The following ELP3 variants were observed in gnomAD, a reference collection of about 807,000 sequenced individuals.
ELP3 encodes elongator complex protein 3.
ELP3 carries 56 observed loss-of-function variants against 74.9 expected under a neutral mutation model. The ratio of observed to expected loss-of-function variants is 0.75; its 90% CI spans 0.60 to 0.93. The LOEUF is 0.93. ELP3 is among the 40% of genes least tolerant of loss of function. ELP3 has a pLI of 0.00. For missense variants in ELP3, 573 were observed against 686.5 expected, an observed-to-expected ratio of 0.83 and a Z score of 1.85; for synonymous variants, 222 against 239.8, an observed-to-expected ratio of 0.93 and a Z score of 0.68.
chr8:28,168,130 C>T (rs193274548), intron 14 of ELP3, among the ~76,000 whole-genome samples: 377 of 152,280 alleles, frequency 2.5e-3, no homozygotes, highest in African/African-American at 6.7e-3. Context: ...TGTAGTACAC[C>T]GCACATCAAG....
intron 12 of ELP3, among the ~76,000 whole-genome samples, chr8:28,160,009 G>A (rs1814004834): frequency 1.3e-5 from 2 of 152,144 alleles, no homozygotes; most frequent in African/African-American, 4.8e-5. Context: ...AAGTATTTGT[G>A]AAATTATACA....
intron 11 of ELP3, 44 bp downstream of exon 11, chr8:28,156,076 G>A: frequency 6.5e-7 from 1 of 1,528,494 alleles, no homozygotes; most frequent in Non-Finnish European, 9.0e-7. Flanking sequence ...TTGAGAAAAA[G>A]AGAAATCTGA....
At chr8:28,151,304 A>T (rs74908548) in intron 10 of ELP3, among the ~76,000 whole-genome samples, 1 of 151,818 alleles carries the variant, frequency 6.6e-6, no homozygotes, top group Non-Finnish European at 1.5e-5. Context: ...GTTTCTTCAG[A>T]TTTCCATCTT....
At chr8:28,185,330 C>T (rs1336655964) in intron 14 of ELP3, among the ~76,000 whole-genome samples, 2 of 152,154 alleles carry the variant, frequency 1.3e-5, no homozygotes, top group Non-Finnish European at 2.9e-5. Flanking sequence ...CAACACCCAA[C>T]ATAGAGCCAA....
intron 7 of ELP3, chr8:28,118,789 T>C (rs377317315): frequency 6.6e-6 from 1 of 152,244 alleles, no homozygotes; most frequent in East Asian, 1.9e-4. Flanking sequence ...AAGATGCAAT[T>C]TAAAGGGTAG....
Position 28,180,047 on chromosome 8 carries a change from A to G in ELP3, c.1568-9602A>G, listed in dbSNP as rs555341002. Among the ~76,000 whole-genome samples, 102 of 152,140 alleles carry G rather than the reference A, an allele frequency of 6.7e-4. 5 individuals carry two copies. The South Asian group carries it at 0.02, about 29-fold the overall frequency. Reference sequence around the variant, plus strand: ...CTACTTCTGTGGTTTTTTAGAAAATATATTATTTTTATTCTTTCAGACTGT... The same window carrying G: ...CTACTTCTGTGGTTTTTTAGAAAATGTATTATTTTTATTCTTTCAGACTGT... On this transcript the variant is annotated intron_variant, in intron 14 of 14. Transcript: ENST00000256398.
intron 10 of ELP3, 66 bp from the exon 11 acceptor site, chr8:28,155,876 C>A: frequency 7.7e-7 from 1 of 1,298,726 alleles, no homozygotes; most frequent in South Asian, 1.3e-5. Context: ...TTTTAATATC[C>A]TTGCCTTACT....
At chr8:28,180,202 A>AACACATGCATAT (rs149060064) in intron 14 of ELP3, among the ~76,000 whole-genome samples, 4,523 of 152,244 alleles carry the variant, frequency 0.03, 100 homozygotes, top group Non-Finnish European at 0.045. Context: ...TGCAGCCTCT[A>AACACATGCATAT]ACACATGCAT....
At chr8:28,112,479 A>T (rs956890716) in intron 6 of ELP3, 2 of 152,132 alleles carry the variant, frequency 1.3e-5, no homozygotes, top group African/African-American at 4.8e-5. Context: ...TAGAAAGCAG[A>T]CTTGAAGTGC....
chr8:28,143,257 T>A lies in ELP3; in HGVS notation c.1100+5366T>A, dbSNP rs1464042333. ...GTGTAGCACCACTCCCATGATCTCA[T>A]ACACTTCTTTTTTGATCATGTGATT... On this transcript the variant is annotated intron_variant, in intron 10 of 14. Coordinates refer to ENST00000256398, the MANE Select transcript of ELP3 (RefSeq NM_018091.6). Among the ~76,000 whole-genome samples the A allele has an allele frequency of 2.0e-5, 3 of 152,210 alleles. No homozygotes were observed. The East Asian group carries it at 5.8e-4, about 29-fold the overall frequency.
At chr8:28,161,955 C>A in intron 13 of ELP3, 42 bp from the exon 14 acceptor site, 1 of 1,600,890 alleles carries the variant, frequency 6.2e-7, no homozygotes, top group African/African-American at 1.3e-5. Context: ...TAATGAACTT[C>A]CTTCCTTTTT....
intron 9 of ELP3, among the ~76,000 whole-genome samples, chr8:28,133,439 T>C (rs1812859562): frequency 2.0e-5 from 3 of 151,388 alleles, no homozygotes; most frequent in Admixed American, 6.6e-5. Flanking sequence ...TTTTTTTTTT[T>C]TTTCTTCAAA....
Position 28,160,318 on chromosome 8 carries a change from C to T in ELP3, c.1347C>T (p.Gly449=). The change falls in exon 13 of 15, where the codon GGC becomes GGT. Residue 449 remains glycine, a synonymous_variant. Transcript: ENST00000256398. ...YEDPDQDILI[G]LLRLRKCSEE... is the part of the protein sequence containing the mutation. Reference sequence around the variant, plus strand: ...ACCCAGATCAAGACATTTTGATTGGCCTCCTACGATTACGCAAGTGTTCAG... The same window carrying T: ...ACCCAGATCAAGACATTTTGATTGGTCTCCTACGATTACGCAAGTGTTCAG... 6.2e-7 allele frequency: 1 copy of T among 1,614,138 alleles called. No individual in the cohort carries two copies. The highest frequency in any genetic ancestry group is 1.1e-5 in the South Asian group (1 of 91,086).
upstream of ELP3, among the ~76,000 whole-genome samples, chr8:28,090,904 CTT>C (rs71222535): frequency 2.6e-5 from 2 of 77,392 alleles, no homozygotes; most frequent in Non-Finnish European, 2.9e-5. Context: ...TAAATGTTTC[CTT>C]TTTTTTTTTT....
chr8:28,099,839 A>G lies in ELP3; in HGVS notation c.131A>G (p.Lys44Arg). The change falls in exon 3 of 15, where the codon AAG becomes AGG. Residue 44 changes from lysine (K) to arginine (R), a missense_variant. By Grantham distance (26) the Lys-to-Arg change is conservative. Coordinates refer to ENST00000256398, the MANE Select transcript of ELP3 (RefSeq NM_018091.6). ...KDIDLNKVKT[K>R]TAAKYGLSAQ... ...TGCTTTACTTTCAGGGTGAAAACCA[A>G]GACAGCTGCCAAATATGGCCTTTCT... 3 of 1,614,232 alleles carry G rather than the reference A, an allele frequency of 1.9e-6. No homozygotes were observed. The South Asian group carries it at 3.3e-5, about 18-fold the overall frequency.
chr8:28,150,853 A>C (rs1813614320), intron 10 of ELP3, among the ~76,000 whole-genome samples: 1 of 151,782 alleles, frequency 6.6e-6, no homozygotes, highest in Non-Finnish European at 1.5e-5. Context: ...CACATGTTAC[A>C]CCTTTTATTT....
chr8:28,098,222 A>G (rs1366759577), intron 2 of ELP3, among the ~76,000 whole-genome samples: 1 of 151,720 alleles, frequency 6.6e-6, no homozygotes, highest in Non-Finnish European at 1.5e-5. Flanking sequence ...TTCAAACTAT[A>G]ATATATATTC....
rs191230390 is a variant in ELP3, at chr8:28,187,115, C to G, written c.1568-2534C>G. 3.3e-5 allele frequency among the ~76,000 whole-genome samples: 5 copies of G among 152,248 alleles called. No individual in the cohort carries two copies. In the East Asian group the frequency reaches 9.7e-4, roughly 29 times the overall value. Reference sequence around the variant, plus strand: ...TCTCCAGACTCTTCCTTTACTCAGGCTAAATACCCTGGAGTCGCCTTGGCT... The same window carrying G: ...TCTCCAGACTCTTCCTTTACTCAGGGTAAATACCCTGGAGTCGCCTTGGCT... On this transcript the variant is annotated intron_variant, in intron 14 of 14. Coordinates refer to ENST00000256398, the MANE Select transcript of ELP3 (RefSeq NM_018091.6).
At chr8:28,144,461 AT>A (rs1041945078) in intron 10 of ELP3, among the ~76,000 whole-genome samples, 2 of 152,166 alleles carry the variant, frequency 1.3e-5, no homozygotes, top group African/African-American at 4.8e-5. Context: ...AAATAAAAAC[AT>A]TTTAAAAATT....
Sources: allele counts gnomAD v4.1 joint callset (sites outside exome capture counted in the v4.1 genomes callset), GRCh38; gene constraint gnomAD v4.1.1; transcripts MANE v1.5; gene names NCBI Gene and HGNC (gene_info 2026-07-23, HGNC 2026-07-21).